Variants in LACTB observed in about 807,000 individuals in gnomAD.
LACTB encodes the protein lactamase beta, also known as serine beta-lactamase-like protein LACTB, mitochondrial.
LACTB carries 35 observed loss-of-function variants against 50.2 expected under a neutral mutation model. The observed-to-expected ratio is 0.70, with a 90% CI of 0.53 to 0.92. The LOEUF is 0.92. LACTB is among the 40% of genes least tolerant of loss of function. The pLI is 0.00. For synonymous variants in LACTB, 252 were observed against 268.2 expected (o/e 0.94, Z 0.59); for missense variants, 664 against 691.8 (o/e 0.96, Z 0.45).
In LACTB at chr15:63,125,670, T is replaced by TTTTA. The variant is rs539904802; in HGVS notation, c.425-1169_425-1166dup. On this transcript the variant is annotated intron_variant, in intron 2 of 5. Coordinates refer to ENST00000261893, the MANE Select transcript of LACTB (RefSeq NM_032857.5). ...TTTTCTTTTCAGATCTCTGTTCTCTTTTTATTTATTTATTTATTTATTTTT... is the reference window on the plus strand; with the variant it reads ...TTTTCTTTTCAGATCTCTGTTCTCTTTTTATTTATTTATTTATTTATTTATTTTT... Among the ~76,000 whole-genome samples, 103 of 151,906 alleles carry TTTTA rather than the reference T, an allele frequency of 6.8e-4. 1 individual carries two copies. The highest frequency in any genetic ancestry group is 1.2e-3 in the African/African-American group (49 of 41,466).
chr15:63,127,002 C>T lies in LACTB; in HGVS notation c.568C>T (p.Gln190Ter). ...GAAACTGGATCTTGATATTCCAGTA[C>T]AACATTATGTTCCCGAATTCCCAGA... ...AGKLDLDIPV[Q>*]HYVPEFPEKE... Residue 190 changes from glutamine to a stop codon, truncating the protein, a stop_gained, in exon 3 of 6, where the codon CAA becomes TAA. Transcript: ENST00000261893. LOFTEE classifies it high-confidence loss of function. 6.2e-7 allele frequency: 1 copy of T among 1,612,340 alleles called. No homozygotes were observed. Among genetic ancestry groups the T allele is most frequent in the South Asian group, 1.1e-5 (1 of 90,846 alleles).
intron 1 of LACTB, 23 bp from the exon 2 acceptor site, chr15:63,122,613 G>C (rs1373697439): frequency 1.3e-6 from 2 of 1,597,686 alleles, no homozygotes; most frequent in Non-Finnish European, 1.7e-6. Flanking sequence ...CGTAACTGTC[G>C]GTTCTTTCCC....
At position 63,126,865 on chromosome 15, in the gene LACTB, G is replaced by T. The variant is rs759627744; in HGVS notation, c.431G>T (p.Gly144Val). Residue 144 changes from glycine to valine, a missense_variant, in exon 3 of 6, where the codon GGT (glycine) becomes GTT (valine). Transcript: ENST00000261893. ...DGKEVWSEGL[G>V]YADVENRVPC... ...TTGCTTTTTTCCCCCAAAGGTTTAG[G>T]TTATGCTGATGTTGAGAACCGTGTA... is the stretch of plus-strand genomic sequence containing the variant. The T allele has an allele frequency of 6.4e-7, 1 of 1,566,790 alleles. No individual in the cohort carries two copies. The highest frequency in any genetic ancestry group is 8.7e-7 in the Non-Finnish European group (1 of 1,151,102).
At chr15:63,123,491 G>A (rs1374133136) in intron 2 of LACTB, among the ~76,000 whole-genome samples, 1 of 152,190 alleles carries the variant, frequency 6.6e-6, no homozygotes, top group Non-Finnish European at 1.5e-5. Flanking sequence ...AGAGAGTGTA[G>A]AAATAAAGAC....
At chr15:63,133,309 A>G (rs2037149444) in intron 5 of LACTB, among the ~76,000 whole-genome samples, 1 of 152,196 alleles carries the variant, frequency 6.6e-6, no homozygotes, top group African/African-American at 2.4e-5. Context: ...AGTTTTAACT[A>G]CTAATTTACA....
chr15:63,127,273 C>G, intron 3 of LACTB, 80 bp from the exon 4 acceptor site: 2 of 1,163,412 alleles, frequency 1.7e-6, no homozygotes, highest in Non-Finnish European at 2.4e-6. Context: ...GAAAATATTA[C>G]TGAGACATTA....
chr15:63,131,838 G>A (rs962662681), intron 5 of LACTB, among the ~76,000 whole-genome samples: 4 of 151,934 alleles, frequency 2.6e-5, no homozygotes, highest in Non-Finnish European at 5.9e-5. Context: ...CTAGTTACTC[G>A]GGAGGCTGAG....
chr15:63,131,511 A>T (rs1195647940), intron 5 of LACTB: 1 of 152,202 alleles, frequency 6.6e-6, no homozygotes, highest in African/African-American at 2.4e-5. Flanking sequence ...ACATTTGTAA[A>T]TATTTATTAA....
chr15:63,139,934 CAAAAAAAA>C (rs56336727), intron 5 of LACTB, among the ~76,000 whole-genome samples: 51,638 of 141,422 alleles, frequency 0.37, 10,138 homozygotes, highest in East Asian at 0.8. Context: ...TCATCTCTAC[CAAAAAAAA>C]AAAAAAAAAA....
intron 5 of LACTB, among the ~76,000 whole-genome samples, chr15:63,132,828 T>G (rs7175973): frequency 3.3e-5 from 5 of 150,738 alleles, no homozygotes; most frequent in African/African-American, 9.8e-5. Flanking sequence ...TTAAAAAAAA[T>G]TTTTTTTTGA....
intron 2 of LACTB, among the ~76,000 whole-genome samples, chr15:63,124,051 C>T (rs1323260950): frequency 6.6e-6 from 1 of 152,232 alleles, no homozygotes; most frequent in Non-Finnish European, 1.5e-5. Flanking sequence ...TCTTGACGCT[C>T]TTCGCTACCG....
Position 63,141,530 on chromosome 15 carries a change from G to A in LACTB, c.1369G>A (p.Glu457Lys). The change falls in exon 6 of 6, where the codon GAG becomes AAG. Residue 457 changes from glutamate to lysine, a missense_variant. Glu to Lys is a moderately conservative substitution (Grantham distance 56). Coordinates refer to ENST00000261893, the MANE Select transcript of LACTB (RefSeq NM_032857.5). The part of the protein sequence containing the change: ...VPNTEMSWDK[E>K]GKYAMAWGVV... ...TAACACAGAGATGTCTTGGGATAAAGAGGGTAAATATGCAATGGCGTGGGG... is the reference window on the plus strand; with the variant it reads ...TAACACAGAGATGTCTTGGGATAAAAAGGGTAAATATGCAATGGCGTGGGG... 6.2e-7 allele frequency: 1 copy of A among 1,614,230 alleles called. No individual in the cohort carries two copies. The highest frequency in any genetic ancestry group is 1.3e-5 in the African/African-American group (1 of 75,068).
intron 5 of LACTB, 124 bp from the exon 6 acceptor site, chr15:63,141,156 A>G (rs1041666131): frequency 6.9e-7 from 1 of 1,439,086 alleles, no homozygotes; most frequent in Non-Finnish European, 9.1e-7. Flanking sequence ...GTTAGTTTAT[A>G]GTTTCTGAGA....
At chr15:63,133,745 T>A (rs1371285937) in intron 5 of LACTB, among the ~76,000 whole-genome samples, 1 of 152,226 alleles carries the variant, frequency 6.6e-6, no homozygotes, top group Non-Finnish European at 1.5e-5. Context: ...AGATTTCTTG[T>A]CTGAACTGGT....
In LACTB at chr15:63,141,820, T is replaced by C. The variant is rs1306644007; in HGVS notation, c.*15T>C. The C allele has an allele frequency of 1.9e-6, 3 of 1,590,964 alleles. No individual in the cohort carries two copies. Among genetic ancestry groups the C allele is most frequent in the South Asian group, 1.1e-5 (1 of 89,924 alleles). ...GATCAGACTGATAACCTTAACACCATAGGTGCAAAATGAGTTGTTCTGAGG... is the reference window on the plus strand; with the variant it reads ...GATCAGACTGATAACCTTAACACCACAGGTGCAAAATGAGTTGTTCTGAGG... On this transcript the variant is annotated 3_prime_UTR_variant, in exon 6 of 6. Transcript: ENST00000261893.
chr15:63,128,339 A>G (rs901915432), intron 4 of LACTB, among the ~76,000 whole-genome samples: 2 of 152,270 alleles, frequency 1.3e-5, no homozygotes, highest in African/African-American at 4.8e-5. Flanking sequence ...GCTCACGCCT[A>G]TAATCCCAGC....
intron 5 of LACTB, among the ~76,000 whole-genome samples, chr15:63,133,878 A>G (rs760727251): frequency 1.3e-5 from 2 of 152,246 alleles, no homozygotes; most frequent in Non-Finnish European, 2.9e-5. Context: ...TTGACTTTTT[A>G]AAGTAATTTG....
Position 63,129,612 on chromosome 15 carries a change from G to A in LACTB, c.1080G>A (p.Val360=). Residue 360 remains valine, a synonymous_variant, in exon 5 of 6, where the codon GTG becomes GTA. Coordinates refer to ENST00000261893, the MANE Select transcript of LACTB (RefSeq NM_032857.5). ...IFHDLDMLTT[V]QEENEPVIYN... is the part of the protein sequence containing the mutation. ...ATGACTTGGATATGCTGACGACTGT[G>A]CAGGAAGAAAACGAGCCAGTGATTT... 6.2e-7 allele frequency: 1 copy of A among 1,610,888 alleles called. No individual in the cohort carries two copies. Among genetic ancestry groups the A allele is most frequent in the South Asian group, 1.1e-5 (1 of 90,364 alleles).
At chr15:63,131,388 T>A (rs2141074229) in intron 5 of LACTB, 1 of 152,386 alleles carries the variant, frequency 6.6e-6, no homozygotes, top group Admixed American at 6.5e-5. Flanking sequence ...AATCTGTCAC[T>A]GTCATTATTT....
Sources: allele counts gnomAD v4.1 joint callset (sites outside exome capture counted in the v4.1 genomes callset), GRCh38; gene constraint gnomAD v4.1.1; transcripts MANE v1.5; gene names NCBI Gene and HGNC (gene_info 2026-07-23, HGNC 2026-07-21).